Variants in ZBTB40 observed in about 807,000 individuals in gnomAD.
ZBTB40 encodes the protein zinc finger and BTB domain-containing protein 40.
A neutral mutation model predicts 117.5 loss-of-function variants in ZBTB40; 60 were observed. That is an observed-to-expected ratio of 0.51 (90% CI 0.41 to 0.63). The LOEUF is 0.63. ZBTB40 is among the 30% of genes least tolerant of loss of function. The pLI is 0.00. For synonymous variants in ZBTB40, 525 were observed against 577.1 expected (o/e 0.91, Z 1.29); for missense variants, 1,287 against 1,498.5 (o/e 0.86, Z 2.33).
chr1:22,485,768 T>C lies in ZBTB40; in HGVS notation c.-69-4112T>C, dbSNP rs113063279. On this transcript the variant is annotated intron_variant, in intron 1 of 17. Transcript: ENST00000375647. ...CTTCTTTTTTTACTTTGCTTTTTCG[T>C]TTTGGATTGTTACGTCTTCAAGCTA... Among the ~76,000 whole-genome samples, 634 of 152,306 alleles carry C rather than the reference T, an allele frequency of 4.2e-3. 5 individuals are homozygous for C. Among genetic ancestry groups the C allele is most frequent in the African/African-American group, 0.014 (596 of 41,564 alleles).
At chr1:22,475,762 A>T (rs1641537268) in intron 1 of ZBTB40, among the ~76,000 whole-genome samples, 1 of 152,170 alleles carries the variant, frequency 6.6e-6, no homozygotes, top group Non-Finnish European at 1.5e-5. Flanking sequence ...CCTGTGGACA[A>T]GGATCTTGTT....
Position 22,506,188 on chromosome 1 carries a change from T to C in ZBTB40, c.1307T>C (p.Leu436Pro). The change falls in exon 6 of 18, where the codon CTG becomes CCG. Residue 436 changes from leucine (L) to proline (P), a missense_variant. Coordinates refer to ENST00000375647, the MANE Select transcript of ZBTB40 (RefSeq NM_014870.4). ...LQAVKTTFPN[L>P]GLLLEKLQKS... ...GCTGTGAAGACGACTTTCCCAAACC[T>C]GGGCCTTCTGCTAGAGAAGTTGCAG... is the stretch of plus-strand genomic sequence containing the variant. 6.2e-7 allele frequency: 1 copy of C among 1,614,184 alleles called. No individual in the cohort carries two copies. The highest frequency in any genetic ancestry group is 1.1e-5 in the South Asian group (1 of 91,086).
chr1:22,436,976 G>A (rs572768992), intron 1 of ZBTB40, among the ~76,000 whole-genome samples: 1 of 152,044 alleles, frequency 6.6e-6, no homozygotes, highest in Non-Finnish European at 1.5e-5. Flanking sequence ...CAAGTCTAGA[G>A]GGGGAGGGAG....
intron 1 of ZBTB40, chr1:22,452,552 GGCT>G (rs780150182): frequency 6.6e-6 from 1 of 152,172 alleles, no homozygotes; most frequent in Non-Finnish European, 1.5e-5. Flanking sequence ...TATTGTCTAT[GGCT>G]GCTTTCCTGC....
chr1:22,435,207 C>T (rs1640654603), intron 1 of ZBTB40, among the ~76,000 whole-genome samples: 1 of 151,980 alleles, frequency 6.6e-6, no homozygotes, highest in South Asian at 2.1e-4. Flanking sequence ...CACTATGTTG[C>T]CCAGGCTGGT....
intron 1 of ZBTB40, 34 bp from the exon 2 acceptor site, chr1:22,489,846 A>G (rs1310424928): frequency 4.6e-6 from 5 of 1,087,616 alleles, no homozygotes; most frequent in Non-Finnish European, 7.0e-6. Flanking sequence ...TGGTTTTTTG[A>G]AGTTTTAACC....
At chr1:22,436,672 C>T (rs1212625912) in intron 1 of ZBTB40, among the ~76,000 whole-genome samples, 2 of 152,018 alleles carry the variant, frequency 1.3e-5, no homozygotes, top group Admixed American at 1.3e-4. Context: ...AGAAACAAAA[C>T]TGATAAATGT....
At chr1:22,465,317 C>T (rs1244670680) in intron 1 of ZBTB40, among the ~76,000 whole-genome samples, 2 of 152,152 alleles carry the variant, frequency 1.3e-5, no homozygotes, top group Admixed American at 6.5e-5. Context: ...AAGTTCTCAG[C>T]AGAGAGGGTA....
At chr1:22,506,372 C>A in intron 6 of ZBTB40, 131 bp downstream of exon 6, 1 of 953,774 alleles carries the variant, frequency 1.0e-6, no homozygotes, top group Non-Finnish European at 1.6e-6. Context: ...TAGAAACTAG[C>A]CGTCATAAAT....
intron 16 of ZBTB40, among the ~76,000 whole-genome samples, chr1:22,522,670 C>T (rs1639564108): frequency 6.6e-6 from 1 of 152,096 alleles, no homozygotes; most frequent in African/African-American, 2.4e-5. Flanking sequence ...TCCCTTAAGC[C>T]GTAACTGTGA....
intron 1 of ZBTB40, among the ~76,000 whole-genome samples, chr1:22,439,078 G>T (rs1019278616): frequency 6.6e-6 from 1 of 152,126 alleles, no homozygotes; most frequent in Admixed American, 6.5e-5. Context: ...ATATTGGCCA[G>T]GCTGGTCTCG....
At chr1:22,444,265 T>A (rs1343816835) in intron 1 of ZBTB40, among the ~76,000 whole-genome samples, 2 of 151,752 alleles carry the variant, frequency 1.3e-5, no homozygotes, top group South Asian at 2.1e-4. Context: ...TATATATATA[T>A]AAAAATTAGC....
intron 9 of ZBTB40, among the ~76,000 whole-genome samples, 185 bp from the exon 10 acceptor site, chr1:22,510,994 T>G (rs1306672818): frequency 6.6e-6 from 1 of 152,228 alleles, no homozygotes; most frequent in Non-Finnish European, 1.5e-5. Context: ...TCTGTTTTGT[T>G]AGTTTTCCTG....
In ZBTB40 at chr1:22,508,477, T is replaced by G. The variant is rs1218629799; in HGVS notation, c.1498-53T>G. 11 of 1,597,462 alleles carry G rather than the reference T, an allele frequency of 6.9e-6. No individual in the cohort carries two copies. In the Admixed American group the frequency reaches 1.2e-4, roughly 17 times the overall value. On this transcript the variant is annotated intron_variant, in intron 7 of 17. Transcript: ENST00000375647. ...ATATCTAGACTTGCAGCTCTGCAGC[T>G]GGGCTAGTGGCTGGAGAGTCTCTTA...
chr1:22,445,568 A>C (rs912668515), intron 1 of ZBTB40, among the ~76,000 whole-genome samples: 3 of 152,148 alleles, frequency 2.0e-5, no homozygotes, highest in Non-Finnish European at 4.4e-5. Context: ...GGCAATAAAC[A>C]AAAAACCGGC....
intron 3 of ZBTB40, among the ~76,000 whole-genome samples, chr1:22,492,558 T>C (rs1289522287): frequency 1.3e-5 from 2 of 152,236 alleles, no homozygotes; most frequent in African/African-American, 4.8e-5. Context: ...TAGGGGGTAG[T>C]GTGGGCCGAT....
intron 3 of ZBTB40, among the ~76,000 whole-genome samples, chr1:22,492,929 C>T (rs1440362110): frequency 2.6e-5 from 4 of 152,352 alleles, no homozygotes; most frequent in East Asian, 1.9e-4. Flanking sequence ...CTTCTAAACA[C>T]ACCTCTTCAT....
Position 22,504,999 on chromosome 1 carries a change from A to G in ZBTB40, c.1168-1050A>G, listed in dbSNP as rs200881906. ...ATATTAGACCTTAAAGAGAATGACT[A>G]TGTTCTGTACTGACAAAGAATATGA... is the stretch of plus-strand genomic sequence containing the variant. On this transcript the variant is annotated intron_variant, in intron 5 of 17. Coordinates refer to ENST00000375647, the MANE Select transcript of ZBTB40 (RefSeq NM_014870.4). Among the ~76,000 whole-genome samples, 15 of 152,362 alleles carry G rather than the reference A, an allele frequency of 9.8e-5. No homozygotes were observed. In the East Asian group the frequency reaches 2.1e-3, roughly 22 times the overall value.
chr1:22,437,200 A>G (rs1007782307), intron 1 of ZBTB40, among the ~76,000 whole-genome samples: 18 of 152,146 alleles, frequency 1.2e-4, no homozygotes, highest in Admixed American at 3.9e-4. Flanking sequence ...GGAGAAACAG[A>G]CAGGTGGATA....
Sources: allele counts gnomAD v4.1 joint callset (sites outside exome capture counted in the v4.1 genomes callset), GRCh38; gene constraint gnomAD v4.1.1; transcripts MANE v1.5; gene names NCBI Gene and HGNC (gene_info 2026-07-23, HGNC 2026-07-21).